PRKG1: variants seen among roughly 807,000 people sequenced by gnomAD.
PRKG1 encodes protein kinase cGMP-dependent 1, also known as cGMP-dependent protein kinase 1.
Under a neutral mutation model 88.1 loss-of-function variants are expected in PRKG1, and 35 were observed. That is an observed-to-expected ratio of 0.40 (90% confidence interval 0.30 to 0.53). The LOEUF (loss-of-function observed/expected upper bound fraction) is 0.53. Ranked by LOEUF, PRKG1 falls within the 20% of genes least tolerant of loss-of-function variation. The pLI is 0.59. For missense variants in PRKG1, 540 were observed against 839.8 expected, an observed-to-expected ratio of 0.64 and a Z score of 4.41; for synonymous variants, 303 against 292.5, an observed-to-expected ratio of 1.04 and a Z score of -0.37.
intron 3 of PRKG1, among the ~76,000 whole-genome samples, chr10:51,689,107 G>A (rs889003186): frequency 6.6e-6 from 1 of 152,152 alleles, no homozygotes; most frequent in Non-Finnish European, 1.5e-5. Flanking sequence ...GGCTTCCTCA[G>A]CCACGTGGAA....
At chr10:51,213,659 A>C (rs1396504849) in intron 2 of PRKG1, among the ~76,000 whole-genome samples, 3 of 152,232 alleles carry the variant, frequency 2.0e-5, no homozygotes, top group Non-Finnish European at 2.9e-5. Context: ...AACTAATGCA[A>C]TATTACTTTA....
intron 3 of PRKG1, among the ~76,000 whole-genome samples, chr10:51,633,251 C>G (rs1839571493): frequency 6.6e-6 from 1 of 151,968 alleles, no homozygotes; most frequent in African/African-American, 2.4e-5. Flanking sequence ...TCTTCCAGGT[C>G]TGTTTTATTA....
chr10:51,339,974 A>C (rs1043476601), intron 2 of PRKG1, among the ~76,000 whole-genome samples: 9 of 152,270 alleles, frequency 5.9e-5, no homozygotes, highest in African/African-American at 2.2e-4. Flanking sequence ...TCTTTCAAAA[A>C]GATTTCACCA....
chr10:51,774,749 G>C (rs1357993146), intron 3 of PRKG1, among the ~76,000 whole-genome samples: 1 of 151,940 alleles, frequency 6.6e-6, no homozygotes, highest in African/African-American at 2.4e-5. Flanking sequence ...TGTGTCCCAA[G>C]GATTGTTTAA....
rs1198995606 is a variant in PRKG1 at position 51,568,909 on chromosome 10, A to C, written c.592+101073A>C. 2.0e-5 allele frequency: 3 copies of C among 152,096 alleles called. No individual in the cohort carries two copies. The South Asian group carries it at 6.2e-4, about 31-fold the overall frequency. 9.4% of individuals were successfully genotyped at this position (152,096 alleles called of 1,614,324 possible). A position where few individuals can be genotyped will look rare whatever the true frequency, so the allele number is the denominator to read the frequency against. Reference sequence around the variant, plus strand: ...GGCATAGAACCAATATTGTTGTAGTAAGAAGTGGTGGCTATGAGGATAGGG... The same window carrying C: ...GGCATAGAACCAATATTGTTGTAGTCAGAAGTGGTGGCTATGAGGATAGGG... On this transcript the variant is annotated intron_variant, in intron 3 of 17. Transcript: ENST00000373980.
intron 1 of PRKG1, among the ~76,000 whole-genome samples, chr10:51,036,116 C>T (rs1037382881): frequency 6.6e-6 from 1 of 152,112 alleles, no homozygotes; most frequent in Non-Finnish European, 1.5e-5. Flanking sequence ...GTCCCCTTGC[C>T]TCTGCCAATG....
At chr10:51,824,482 A>G (rs1167773129) in intron 4 of PRKG1, among the ~76,000 whole-genome samples, 1 of 152,196 alleles carries the variant, frequency 6.6e-6, no homozygotes, top group Non-Finnish European at 1.5e-5. Flanking sequence ...ATAGCATAAG[A>G]ATTAGTGGAT....
At chr10:52,059,773 A>G (rs1439422770) in intron 6 of PRKG1, among the ~76,000 whole-genome samples, 1 of 151,850 alleles carries the variant, frequency 6.6e-6, no homozygotes, top group Non-Finnish European at 1.5e-5. Context: ...AAATTTTACT[A>G]TATGATAGAA....
chr10:52,137,126 T>G (rs778147463), intron 8 of PRKG1, among the ~76,000 whole-genome samples: 7 of 152,060 alleles, frequency 4.6e-5, no homozygotes, highest in Non-Finnish European at 1.0e-4. Flanking sequence ...AAAAGTAGCT[T>G]CCTTTACAAA....
chr10:51,041,289 C>T (rs562788557), intron 1 of PRKG1, among the ~76,000 whole-genome samples: 1 of 152,228 alleles, frequency 6.6e-6, no homozygotes, highest in East Asian at 1.9e-4. Context: ...ATCGGGGACC[C>T]CAGGAGCCTG....
At chr10:51,996,609 G>T (rs1312646375) in intron 5 of PRKG1, among the ~76,000 whole-genome samples, 1 of 152,030 alleles carries the variant, frequency 6.6e-6, no homozygotes, top group African/African-American at 2.4e-5. Context: ...TGCTAGACTG[G>T]CTGTTATCAA....
intron 3 of PRKG1, among the ~76,000 whole-genome samples, chr10:51,550,661 C>G (rs947587806): frequency 6.6e-6 from 1 of 151,854 alleles, no homozygotes; most frequent in African/African-American, 2.4e-5. Context: ...TTGGAATGGC[C>G]TTACTTAAAA....
intron 2 of PRKG1, among the ~76,000 whole-genome samples, chr10:51,341,662 T>C (rs1247362873): frequency 6.6e-6 from 1 of 152,164 alleles, no homozygotes; most frequent in African/African-American, 2.4e-5. Context: ...TGATAGGAAG[T>C]GGTGTATAGT....
intron 4 of PRKG1, among the ~76,000 whole-genome samples, chr10:51,875,310 GAAA>G (rs36009989): frequency 2.1e-5 from 3 of 144,252 alleles, no homozygotes; most frequent in African/African-American, 5.0e-5. Flanking sequence ...AAGCTTTAAT[GAAA>G]AAAAAAAAAT....
chr10:51,045,680 C>T (rs945680776), intron 1 of PRKG1, among the ~76,000 whole-genome samples: 5 of 152,216 alleles, frequency 3.3e-5, no homozygotes, highest in African/African-American at 1.2e-4. Context: ...ATTTCCACAA[C>T]TGTGCTCGTA....
intron 2 of PRKG1, among the ~76,000 whole-genome samples, chr10:51,160,809 C>T (rs956264748): frequency 6.6e-6 from 1 of 151,898 alleles, no homozygotes; most frequent in South Asian, 2.1e-4. Context: ...ATGTATCAGT[C>T]TTCCTCTTGG....
chr10:51,237,749 C>T (rs1839036260), intron 2 of PRKG1, among the ~76,000 whole-genome samples: 1 of 152,126 alleles, frequency 6.6e-6, no homozygotes, highest in Non-Finnish European at 1.5e-5. Flanking sequence ...TTATAAAACA[C>T]TTCTGACAAA....
At chr10:51,750,078 G>A (rs1157638344) in intron 3 of PRKG1, among the ~76,000 whole-genome samples, 2 of 151,936 alleles carry the variant, frequency 1.3e-5, no homozygotes, top group East Asian at 1.9e-4. Flanking sequence ...TGGGATTACA[G>A]GCTCATGCCA....
At chr10:52,006,200 C>T (rs1844732159) in intron 5 of PRKG1, among the ~76,000 whole-genome samples, 1 of 152,208 alleles carries the variant, frequency 6.6e-6, no homozygotes, top group African/African-American at 2.4e-5. Flanking sequence ...ACTCGTTCAA[C>T]TCTGGCAACT....
Sources: allele counts gnomAD v4.1 joint callset (sites outside exome capture counted in the v4.1 genomes callset), GRCh38; gene constraint gnomAD v4.1.1; transcripts MANE v1.5; gene names NCBI Gene and HGNC (gene_info 2026-07-23, HGNC 2026-07-21).